Variants in WDTC1 observed in about 807,000 individuals in gnomAD.
The protein encoded by WDTC1 is WD and tetratricopeptide repeats 1.
WDTC1 carries 12 observed loss-of-function variants against 76.0 expected under a neutral mutation model. The ratio of observed to expected loss-of-function variants is 0.16; its 90% CI spans 0.10 to 0.26. WDTC1 has a LOEUF of 0.26. Ranked by LOEUF, WDTC1 falls within the 10% of genes least tolerant of loss-of-function variation. The pLI, the probability that WDTC1 is intolerant of heterozygous loss-of-function variation, is 1.00. For synonymous variants in WDTC1, 326 were observed against 350.8 expected, an observed-to-expected ratio of 0.93 and a Z score of 0.79; for missense variants, 511 against 908.8, an observed-to-expected ratio of 0.56 and a Z score of 5.63.
Position 27,274,700 on chromosome 1 carries a change from A to G in WDTC1, c.133-7539A>G, listed in dbSNP as rs2012970822. The stretch of plus-strand genomic sequence containing the variant: ...TCATCTCATGAGTTTTATTGTCACA[A>G]CTGACAAGAACCAAATATCCTGGGA... On this transcript the variant is annotated intron_variant, in intron 3 of 15. Transcript: ENST00000319394. This position sits in a 1 kb window ranked among gnomAD's most constrained non-coding sequence, Gnocchi z 4.2. 6.6e-6 allele frequency among the ~76,000 whole-genome samples: 1 copy of G among 152,190 alleles called. No individual in the cohort carries two copies. The highest frequency in any genetic ancestry group is 1.5e-5 in the Non-Finnish European group (1 of 68,034).
At position 27,301,148 on chromosome 1, in the gene WDTC1, G is replaced by A. The variant is rs985702303; in HGVS notation, c.1233-78G>A. 6.9e-5 allele frequency: 91 copies of A among 1,320,544 alleles called. No individual in the cohort carries two copies. The highest frequency in any genetic ancestry group is 8.9e-5 in the Non-Finnish European group (84 of 938,754). The allele number at this position is 1,320,544 out of a possible 1,614,324, so 81.8% of individuals were successfully genotyped here. A position where few individuals can be genotyped will look rare whatever the true frequency, so the allele number is the denominator to read the frequency against. On this transcript the variant is annotated intron_variant, in intron 12 of 15. Coordinates refer to ENST00000319394, the MANE Select transcript of WDTC1 (RefSeq NM_001276252.2). This position sits in a 1 kb window ranked among gnomAD's most constrained non-coding sequence, Gnocchi z 5.8. Reference sequence around the variant, plus strand: ...CAGTGGTGGGCTGGGGTGGCCACAGGAAGCAGAGGAGACTGAATGGGGACC... The same window carrying A: ...CAGTGGTGGGCTGGGGTGGCCACAGAAAGCAGAGGAGACTGAATGGGGACC...
intron 1 of WDTC1, among the ~76,000 whole-genome samples, chr1:27,256,806 T>C (rs1244620120): frequency 6.6e-6 from 1 of 152,226 alleles, no homozygotes; most frequent in Admixed American, 6.5e-5. Flanking sequence ...TGAATGACTG[T>C]AAAACCCTCA....
chr1:27,289,005 G>A (rs553515062), intron 6 of WDTC1, among the ~76,000 whole-genome samples: 6 of 145,498 alleles, frequency 4.1e-5, no homozygotes, highest in African/African-American at 1.3e-4. Context: ...CCTCCCTCCC[G>A]GACGGGGCGG....
At position 27,305,392 on chromosome 1, in the gene WDTC1, G is replaced by A. The variant is rs779861239; in HGVS notation, c.1836+199G>A. Among the ~76,000 whole-genome samples the A allele has an allele frequency of 3.3e-5, 5 of 152,216 alleles. No homozygotes were observed. The highest frequency in any genetic ancestry group is 1.2e-4 in the African/African-American group (5 of 41,452). On this transcript the variant is annotated intron_variant, in intron 15 of 15. Transcript: ENST00000319394. This position sits in a 1 kb window ranked among gnomAD's most constrained non-coding sequence, Gnocchi z 4.6. ...GCAATTCTCCAGAAGCTGTGCAGAG[G>A]CCCTGGTCACAAGGGAACTATGCAG... is the stretch of plus-strand genomic sequence containing the variant.
At chr1:27,253,392 C>CCTCCCA (rs2012154682) in intron 1 of WDTC1, among the ~76,000 whole-genome samples, 1 of 68,706 alleles carries the variant, frequency 1.5e-5, no homozygotes, top group Non-Finnish European at 2.4e-5. Context: ...TTCTTCTTCC[C>CCTCCCA]CTCCCCCTCC....
At chr1:27,261,696 G>C (rs973586785) in intron 2 of WDTC1, among the ~76,000 whole-genome samples, 1 of 152,146 alleles carries the variant, frequency 6.6e-6, no homozygotes, top group Non-Finnish European at 1.5e-5. Context: ...ACCAAGGCAT[G>C]ATGTGCTCCA....
chr1:27,287,643 A>T, intron 5 of WDTC1, 31 bp from the exon 6 acceptor site: 1 of 1,598,108 alleles, frequency 6.3e-7, no homozygotes. Flanking sequence ...TACTCTTACC[A>T]CCCACCCCTT....
At chr1:27,288,299 C>T (rs540138159) in intron 6 of WDTC1, among the ~76,000 whole-genome samples, 1 of 152,132 alleles carries the variant, frequency 6.6e-6, no homozygotes, top group South Asian at 2.1e-4. Flanking sequence ...ATTATATCCT[C>T]TGTAACTCTA....
chr1:27,277,546 C>T (rs1224831152), intron 3 of WDTC1, among the ~76,000 whole-genome samples: 2 of 151,964 alleles, frequency 1.3e-5, no homozygotes, highest in Non-Finnish European at 2.9e-5. Context: ...ATCTTCCTGT[C>T]TTAGTCTCCC....
At chr1:27,300,800 G>T (rs901411921) in intron 12 of WDTC1, among the ~76,000 whole-genome samples, 3 of 152,216 alleles carry the variant, frequency 2.0e-5, no homozygotes, top group Non-Finnish European at 4.4e-5. Flanking sequence ...TGTCCTTGAG[G>T]GCCCCCTGCC....
intron 1 of WDTC1, among the ~76,000 whole-genome samples, chr1:27,258,720 G>T (rs1394208739): frequency 6.6e-6 from 1 of 152,148 alleles, no homozygotes; most frequent in Non-Finnish European, 1.5e-5. Flanking sequence ...AACAAAATCT[G>T]CAATAACATA....
At chr1:27,292,446 C>T in intron 7 of WDTC1, 49 bp downstream of exon 7, 1 of 1,453,192 alleles carries the variant, frequency 6.9e-7, no homozygotes, top group South Asian at 1.5e-5. Flanking sequence ...CCCCAGAGAA[C>T]CTACTGCCCC....
At chr1:27,302,383 G>A (rs1010409656) in intron 13 of WDTC1, among the ~76,000 whole-genome samples, 5 of 152,054 alleles carry the variant, frequency 3.3e-5, no homozygotes, top group Non-Finnish European at 5.9e-5. Flanking sequence ...GGTTCTTCAG[G>A]AAGAAACATT....
chr1:27,262,854 C>T (rs2012525701), intron 2 of WDTC1, among the ~76,000 whole-genome samples: 1 of 151,964 alleles, frequency 6.6e-6, no homozygotes, highest in South Asian at 2.1e-4. Flanking sequence ...CCCACCCTGT[C>T]CAACCTAAAT....
intron 3 of WDTC1, among the ~76,000 whole-genome samples, chr1:27,277,155 C>T (rs1004046744): frequency 4.6e-5 from 7 of 152,060 alleles, no homozygotes; most frequent in African/African-American, 1.7e-4. Flanking sequence ...ATCTCACCCT[C>T]TTGAGTAGCT....
intron 3 of WDTC1, among the ~76,000 whole-genome samples, chr1:27,263,595 A>G (rs1014579767): frequency 7.2e-5 from 11 of 151,924 alleles, no homozygotes; most frequent in Admixed American, 1.3e-4. Flanking sequence ...CACCATGCCC[A>G]GCTAATTTTT....
chr1:27,250,542 A>C (rs1169245697), intron 1 of WDTC1, among the ~76,000 whole-genome samples: 1 of 152,204 alleles, frequency 6.6e-6, no homozygotes, highest in Admixed American at 6.5e-5. Flanking sequence ...GAGGAAATTG[A>C]AACTCAGAAA....
chr1:27,238,278 A>G (rs1195355943), intron 1 of WDTC1, among the ~76,000 whole-genome samples: 1 of 6,782 alleles, frequency 1.5e-4, no homozygotes, highest in Non-Finnish European at 1.9e-3. Flanking sequence ...ACCTCATTCA[A>G]ATACTTGAAG....
Position 27,305,316 on chromosome 1 carries a change from C to T in WDTC1, c.1836+123C>T. ...GCTAGAAGCTGCTAAGTAAGCCTTA[C>T]CCCGGGGCCCAAGGCTGTGTTCTCA... On this transcript the variant is annotated intron_variant, in intron 15 of 15. Transcript: ENST00000319394. This position sits in a 1 kb window ranked among gnomAD's most constrained non-coding sequence, Gnocchi z 4.6. The T allele has an allele frequency of 8.2e-7, 1 of 1,226,530 alleles. No individual in the cohort carries two copies. Among genetic ancestry groups the T allele is most frequent in the Non-Finnish European group, 1.1e-6 (1 of 910,074 alleles). The allele number at this position is 1,226,530 out of a possible 1,614,324, so 76.0% of individuals were successfully genotyped here. A position where few individuals can be genotyped will look rare whatever the true frequency, so the allele number is the denominator to read the frequency against.
Sources: gnomAD v4.1 joint callset for allele counts (sites outside exome capture counted in the v4.1 genomes callset) on GRCh38, gnomAD v4.1.1 for gene constraint, Gnocchi (gnomAD v3.1) non-coding constraint, MANE v1.5 for transcripts, NCBI Gene and HGNC (gene_info 2026-07-23, HGNC 2026-07-21) for gene names.